Variants in CYFIP1 observed in about 807,000 individuals in gnomAD.
CYFIP1 encodes the protein cytoplasmic FMR1-interacting protein 1.
Under a neutral mutation model 163.5 loss-of-function variants are expected in CYFIP1, and 58 were observed. That is an observed-to-expected ratio of 0.35 (90% CI 0.29 to 0.44). The LOEUF is 0.44. CYFIP1 is among the 20% of genes least tolerant of loss of function. The pLI, the probability that CYFIP1 is intolerant of heterozygous loss-of-function variation, is 1.00. For synonymous variants in CYFIP1, 663 were observed against 660.7 expected (o/e 1.00, Z -0.05); for missense variants, 1,338 against 1,653.8 (o/e 0.81, Z 3.31).
chr15:22,869,978 T>G lies in CYFIP1; in HGVS notation c.*50A>C, dbSNP rs568095808. ...TCCCTAAAAATCTCACTAAATAGTT[T>G]ACGGAGAGAAAGGCATGCCATGTTG... On this transcript the variant is annotated 3_prime_UTR_variant, in exon 31 of 31. Coordinates refer to ENST00000617928, the MANE Select transcript of CYFIP1 (RefSeq NM_014608.6). 35 of 1,504,406 alleles carry G rather than the reference T, an allele frequency of 2.3e-5. No homozygotes were observed. In the East Asian group the frequency reaches 8.0e-4, roughly 34 times the overall value. The allele number at this position is 1,504,406 out of a possible 1,614,324, so 93.2% of individuals were successfully genotyped here.
rs35408380 is a variant in CYFIP1 at position 22,929,631 on chromosome 15, C to CAAAAAAAAA, written c.1111-1612_1111-1604dup. Among the ~76,000 whole-genome samples the CAAAAAAAAA allele has an allele frequency of 1.2e-3, 52 of 42,264 alleles. 1 individual carries two copies. Among genetic ancestry groups the CAAAAAAAAA allele is most frequent in the African/African-American group, 5.3e-3 (47 of 8,938 alleles). The allele number at this position is 42,264 out of a possible 152,430, so 27.7% of individuals were successfully genotyped here. The stretch of plus-strand genomic sequence containing the variant: ...TGGGCAACAGAGAGAGACTCTGTCT[C>CAAAAAAAAA]AAAAAAAAAAAAAAAAAAAAAAGGC... On this transcript the variant is annotated intron_variant, in intron 11 of 30. Transcript: ENST00000617928.
chr15:22,879,035 C>T (rs1442554150), intron 26 of CYFIP1, among the ~76,000 whole-genome samples: 1 of 151,500 alleles, frequency 6.6e-6, no homozygotes. Flanking sequence ...ACTTCTGAGG[C>T]GGAGGCAGGA....
intron 22 of CYFIP1, among the ~76,000 whole-genome samples, chr15:22,894,821 T>C (rs1444569235): frequency 6.8e-6 from 1 of 147,594 alleles, no homozygotes; most frequent in East Asian, 1.9e-4. Context: ...TCTATATAAT[T>C]ATATATATAC....
intron 26 of CYFIP1, among the ~76,000 whole-genome samples, chr15:22,879,551 C>CCA (rs974093533): frequency 1.3e-5 from 2 of 152,140 alleles, no homozygotes; most frequent in African/African-American, 4.8e-5. Flanking sequence ...TCACACTGAG[C>CCA]CACACTTCAA....
intron 23 of CYFIP1, among the ~76,000 whole-genome samples, chr15:22,890,512 T>C (rs1324118371): frequency 2.0e-5 from 3 of 152,112 alleles, no homozygotes; most frequent in Non-Finnish European, 4.4e-5. Context: ...GTCACTGCAT[T>C]CTTGGCGCCT....
At chr15:22,929,298 T>C (rs7165407) in intron 11 of CYFIP1, among the ~76,000 whole-genome samples, 2,106 of 151,264 alleles carry the variant, frequency 0.014, 47 homozygotes, top group African/African-American at 0.049. Flanking sequence ...CATAAAACAA[T>C]TTCTAGTCAC....
At chr15:22,965,036 TTGTG>T (rs56857768) in intron 1 of CYFIP1, among the ~76,000 whole-genome samples, 11,248 of 149,426 alleles carry the variant, frequency 0.075, 903 homozygotes, top group African/African-American at 0.2. Flanking sequence ...TAGTATTCCA[TTGTG>T]TGTGTGTGTG....
intron 9 of CYFIP1, 142 bp downstream of exon 9, chr15:22,936,962 G>A: frequency 3.1e-6 from 2 of 643,092 alleles, no homozygotes; most frequent in South Asian, 3.8e-5. Context: ...CACCTCTGCA[G>A]ACGGGAGAAC....
intron 22 of CYFIP1, 136 bp downstream of exon 22, chr15:22,903,570 G>C: frequency 1.1e-6 from 1 of 905,506 alleles, no homozygotes; most frequent in East Asian, 2.5e-5. Flanking sequence ...TGGAGGGCCT[G>C]CGTGCTCTTC....
At chr15:22,887,507 A>G (rs2059957876) in intron 23 of CYFIP1, among the ~76,000 whole-genome samples, 1 of 152,210 alleles carries the variant, frequency 6.6e-6, no homozygotes, top group Non-Finnish European at 1.5e-5. Context: ...AGTGAAATCT[A>G]ATGACCTCAT....
At chr15:22,966,485 G>A (rs2062913751) in intron 1 of CYFIP1, among the ~76,000 whole-genome samples, 1 of 151,906 alleles carries the variant, frequency 6.6e-6, no homozygotes, top group South Asian at 2.1e-4. Flanking sequence ...GGCCACAGAG[G>A]GAACCAACCT....
intron 17 of CYFIP1, 83 bp downstream of exon 17, chr15:22,914,643 C>A: frequency 1.5e-6 from 2 of 1,379,252 alleles, no homozygotes. Context: ...ATACTAAAAA[C>A]AGTCCCGGCC....
intron 1 of CYFIP1, among the ~76,000 whole-genome samples, chr15:22,957,976 A>T (rs1268129410): frequency 1.3e-5 from 2 of 152,246 alleles, no homozygotes; most frequent in Non-Finnish European, 2.9e-5. Flanking sequence ...TCCCCAGGTT[A>T]AACGGCCTGA....
chr15:22,936,163 T>C, intron 9 of CYFIP1, among the ~76,000 whole-genome samples: 1 of 152,122 alleles, frequency 6.6e-6, no homozygotes, highest in South Asian at 2.1e-4. Context: ...TCCCAGCTAC[T>C]TGAGAGGCTG....
intron 13 of CYFIP1, among the ~76,000 whole-genome samples, chr15:22,924,917 T>C (rs537943865): frequency 1.3e-5 from 2 of 152,112 alleles, no homozygotes; most frequent in East Asian, 1.9e-4. Context: ...ACCAAAAATA[T>C]AAAAATTAGC....
At chr15:22,951,476 C>T (rs1567021259) in intron 1 of CYFIP1, 1 of 1,289,154 alleles carries the variant, frequency 7.8e-7, no homozygotes. Flanking sequence ...AGGGTGATGC[C>T]GCTCGGAGGG....
intron 22 of CYFIP1, among the ~76,000 whole-genome samples, chr15:22,895,146 C>G (rs1291522840): frequency 2.0e-5 from 3 of 151,952 alleles, no homozygotes; most frequent in Non-Finnish European, 2.9e-5. Context: ...TCCCAAGTAG[C>G]TGGGACTACA....
chr15:22,886,187 A>G (rs1423219179), intron 23 of CYFIP1, among the ~76,000 whole-genome samples: 3 of 152,108 alleles, frequency 2.0e-5, no homozygotes, highest in African/African-American at 7.2e-5. Flanking sequence ...CCATGATCCA[A>G]TCACCTCCCA....
In CYFIP1 at chr15:22,883,020, CAG is replaced by C. The variant is rs1351476346; in HGVS notation, c.2677-11_2677-10del. The C allele has an allele frequency of 3.1e-6, 5 of 1,613,150 alleles. No individual in the cohort carries two copies. The highest frequency in any genetic ancestry group is 2.2e-5 in the East Asian group (1 of 44,838). On this transcript the variant is annotated splice_polypyrimidine_tract_variant and intron_variant, in intron 23 of 30. Transcript: ENST00000617928. ...TAGGCCAAGTTCAAAGCCTGGAAAACAGGGCACAGAGCTCTCAGCATGGTCCC... is the reference window on the plus strand; with the variant it reads ...TAGGCCAAGTTCAAAGCCTGGAAAACGGCACAGAGCTCTCAGCATGGTCCC...
Sources: allele counts gnomAD v4.1 joint callset (sites outside exome capture counted in the v4.1 genomes callset), GRCh38; gene constraint gnomAD v4.1.1; transcripts MANE v1.5; gene names NCBI Gene and HGNC (gene_info 2026-07-23, HGNC 2026-07-21).